The following FER1L6 variants were observed in gnomAD, a reference collection of about 807,000 sequenced individuals.
FER1L6 encodes fer-1 like family member 6, also known as fer-1-like protein 6.
FER1L6 carries 177 observed loss-of-function variants against 219.2 expected under a neutral mutation model. The ratio of observed to expected loss-of-function variants is 0.81; its 90% confidence interval spans 0.71 to 0.91. The LOEUF (loss-of-function observed/expected upper bound fraction) is 0.91, where lower values mean the gene tolerates loss of function less well. Among genes scored for constraint, FER1L6 ranks in the 40% least tolerant of loss-of-function variants. The probability of loss-of-function intolerance (pLI) is 0.00; values close to 1 mark genes in which losing one functional copy is unlikely to be tolerated. For missense variants in FER1L6, 2,153 were observed against 2,259.9 expected, an observed-to-expected ratio of 0.95 and a Z score of 0.96; for synonymous variants, 768 against 824.3, an observed-to-expected ratio of 0.93 and a Z score of 1.17.
intron 1 of FER1L6, among the ~76,000 whole-genome samples, chr8:123,866,769 G>T (rs3910149): frequency 0.25 from 38,173 of 151,690 alleles, 6,908 homozygotes; most frequent in African/African-American, 0.52. Flanking sequence ...AGGTGCCTGT[G>T]ACCATACCTG....
intron 37 of FER1L6, among the ~76,000 whole-genome samples, chr8:124,099,532 C>A (rs979590597): frequency 6.6e-6 from 1 of 152,200 alleles, no homozygotes; most frequent in Non-Finnish European, 1.5e-5. Flanking sequence ...CACATCCCAC[C>A]ATTGTCTTTT....
intron 26 of FER1L6, among the ~76,000 whole-genome samples, chr8:124,066,052 AC>A (rs1179466131): frequency 1.3e-5 from 2 of 152,188 alleles, no homozygotes; most frequent in African/African-American, 4.8e-5. Context: ...ATGATTTATA[AC>A]CCAGGTCAGT....
chr8:123,964,550 C>T lies in FER1L6; in HGVS notation c.197+1152C>T, dbSNP rs151181678. ...TGCAATATCTCCTTCCTTCCTTTGC[C>T]GCACCCTGACAACCACCACCCCTCT... On this transcript the variant is annotated intron_variant, in intron 3 of 40. Coordinates refer to ENST00000522917, the MANE Select transcript of FER1L6 (RefSeq NM_001039112.2). Among the ~76,000 whole-genome samples the T allele has an allele frequency of 3.9e-5, 6 of 152,186 alleles. No homozygotes were observed. The East Asian group carries it at 5.8e-4, about 15-fold the overall frequency.
At chr8:123,942,035 G>A (rs1010907405) in intron 1 of FER1L6, among the ~76,000 whole-genome samples, 1 of 152,124 alleles carries the variant, frequency 6.6e-6, no homozygotes, top group African/African-American at 2.4e-5. Context: ...GATGCGCTAG[G>A]GAACCCACTC....
At chr8:124,037,072 TG>T (rs1819250999) in intron 19 of FER1L6, among the ~76,000 whole-genome samples, 2 of 152,064 alleles carry the variant, frequency 1.3e-5, no homozygotes, top group African/African-American at 4.8e-5. Flanking sequence ...ACCAATAAAG[TG>T]TGAGGAGGGT....
chr8:123,870,019 A>G (rs1392631243), intron 1 of FER1L6, among the ~76,000 whole-genome samples: 3 of 152,254 alleles, frequency 2.0e-5, no homozygotes, highest in Non-Finnish European at 4.4e-5. Context: ...TACAGAAGAA[A>G]ATACTTGGAT....
In FER1L6 at chr8:123,887,217, G is replaced by A. The variant is rs528504870; in HGVS notation, c.-8+35032G>A. Among the ~76,000 whole-genome samples, 30 of 152,290 alleles carry A rather than the reference G, an allele frequency of 2.0e-4. No homozygotes were observed. The South Asian group carries it at 6.0e-3, about 31-fold the overall frequency. On this transcript the variant is annotated intron_variant, in intron 1 of 40. Coordinates refer to ENST00000522917, the MANE Select transcript of FER1L6 (RefSeq NM_001039112.2). ...AGACTGATCTCCCACCTCCTTGGCTGCAGCACCCAGTAAAGCCTTCTTTCT... is the reference window on the plus strand; with the variant it reads ...AGACTGATCTCCCACCTCCTTGGCTACAGCACCCAGTAAAGCCTTCTTTCT...
chr8:124,021,993 G>A (rs1221571602), intron 17 of FER1L6, among the ~76,000 whole-genome samples: 2 of 152,164 alleles, frequency 1.3e-5, no homozygotes, highest in Admixed American at 6.5e-5. Flanking sequence ...CCAGTAAAGG[G>A]CATGGCAGCT....
Position 123,975,958 on chromosome 8 carries a change from A to G in FER1L6, c.744A>G (p.Arg248=). The change falls in exon 9 of 41, where the codon AGA becomes AGG. Residue 248 remains arginine, a synonymous_variant. Transcript: ENST00000522917. ...LERPWARFYV[R]LYKAEGLPKM... ...GACCGTGGGCCAGATTCTATGTGAGACTCTACAAAGCAGAAGGGTTGCCCA... is the reference window on the plus strand; with the variant it reads ...GACCGTGGGCCAGATTCTATGTGAGGCTCTACAAAGCAGAAGGGTTGCCCA... The G allele has an allele frequency of 6.2e-7, 1 of 1,613,652 alleles. No individual in the cohort carries two copies. Among genetic ancestry groups the G allele is most frequent in the East Asian group, 2.2e-5 (1 of 44,842 alleles).
chr8:123,856,288 G>GTA (rs1816642556), intron 1 of FER1L6, among the ~76,000 whole-genome samples: 2 of 84,510 alleles, frequency 2.4e-5, no homozygotes, highest in African/African-American at 8.5e-5. Context: ...ATATATGTGT[G>GTA]TGTGTATATA....
At chr8:123,937,691 TATAG>T (rs1419383356) in intron 1 of FER1L6, among the ~76,000 whole-genome samples, 1 of 152,218 alleles carries the variant, frequency 6.6e-6, no homozygotes, top group Non-Finnish European at 1.5e-5. Flanking sequence ...CATGGCCGAA[TATAG>T]ATAATTGGTC....
chr8:123,855,565 G>A (rs1363826472), intron 1 of FER1L6, among the ~76,000 whole-genome samples: 1 of 151,918 alleles, frequency 6.6e-6, no homozygotes, highest in African/African-American at 2.4e-5. Flanking sequence ...TCCTGACTCT[G>A]CCATGGACCA....
chr8:123,977,293 C>T (rs760919090), intron 9 of FER1L6, 124 bp from the exon 10 acceptor site: 139 of 898,714 alleles, frequency 1.5e-4, no homozygotes, highest in Non-Finnish European at 2.3e-4. Flanking sequence ...AACTGATTTT[C>T]GTGGGTGTCA....
chr8:124,069,514 G>C, intron 29 of FER1L6, 39 bp downstream of exon 29: 9 of 1,456,946 alleles, frequency 6.2e-6, no homozygotes, highest in Non-Finnish European at 8.5e-6. Flanking sequence ...TGGATGGGGA[G>C]GGATGCTCAG....
intron 1 of FER1L6, chr8:123,939,074 G>T (rs952097618): frequency 1.5e-6 from 1 of 677,114 alleles, no homozygotes; most frequent in Non-Finnish European, 1.8e-6. Flanking sequence ...CAAACCCTTA[G>T]TTTTGAGGCT....
intron 1 of FER1L6, chr8:123,924,867 C>T (rs1383281142): frequency 2.6e-5 from 4 of 152,158 alleles, no homozygotes; most frequent in Non-Finnish European, 5.9e-5. Context: ...TCCCTGTTCT[C>T]TCATGGTCAC....
intron 1 of FER1L6, among the ~76,000 whole-genome samples, chr8:123,881,847 C>G (rs1174058596): frequency 2.0e-5 from 3 of 152,174 alleles, no homozygotes; most frequent in Non-Finnish European, 2.9e-5. Context: ...AGTCACAGGA[C>G]TCCTCCTTGG....
intron 22 of FER1L6, 37 bp downstream of exon 22, chr8:124,049,793 C>A: frequency 1.2e-6 from 2 of 1,610,798 alleles, no homozygotes; most frequent in Non-Finnish European, 1.7e-6. Flanking sequence ...TCTATTAGGT[C>A]TACCTGGCCA....
intron 1 of FER1L6, among the ~76,000 whole-genome samples, chr8:123,911,386 C>T (rs1033569432): frequency 3.9e-5 from 6 of 152,264 alleles, no homozygotes; most frequent in African/African-American, 1.4e-4. Context: ...ACTGCAGCTA[C>T]CACTTAGCAT....
Sources: allele counts gnomAD v4.1 joint callset (sites outside exome capture counted in the v4.1 genomes callset), GRCh38; gene constraint gnomAD v4.1.1; transcripts MANE v1.5; gene names NCBI Gene and HGNC (gene_info 2026-07-23, HGNC 2026-07-21).